ATAD3B: variants seen among roughly 807,000 people sequenced by gnomAD.
ATAD3B encodes ATPase family AAA domain containing 3B, also known as ATPase family AAA domain-containing protein 3B.
Under a neutral mutation model 70.2 loss-of-function variants are expected in ATAD3B, and 59 were observed. The observed-to-expected ratio is 0.84, with a 90% CI of 0.68 to 1.04. The LOEUF is 1.04. Among genes scored for constraint, ATAD3B ranks in the 50% least tolerant of loss-of-function variants. The pLI, the probability that ATAD3B is intolerant of heterozygous loss-of-function variation, is 0.00. For missense variants in ATAD3B, 961 were observed against 913.4 expected (o/e 1.05, Z -0.67); for synonymous variants, 423 against 388.6 (o/e 1.09, Z -1.04).
At chr1:1,473,055 C>T (rs960541235) in intron 1 of ATAD3B, among the ~76,000 whole-genome samples, 1 of 150,434 alleles carries the variant, frequency 6.6e-6, no homozygotes, top group Non-Finnish European at 1.5e-5. Context: ...CAACTCCTGA[C>T]CTCGTGATCC....
chr1:1,496,166 G>C lies in ATAD3B; in HGVS notation c.*349G>C, dbSNP rs1039789863. ...CGGTCCAAGCCTGTGGCTGGAGCTG[G>C]TGTGTGTTTATCTAATAAAGTCCCA... On this transcript the variant is annotated 3_prime_UTR_variant, in exon 16 of 16. Coordinates refer to ENST00000673477, the MANE Select transcript of ATAD3B (RefSeq NM_031921.6). The C allele has an allele frequency of 8.4e-6, 9 of 1,065,866 alleles. No homozygotes were observed. Among genetic ancestry groups the C allele is most frequent in the East Asian group, 6.6e-5 (1 of 15,148 alleles). The allele number at this position is 1,065,866 out of a possible 1,614,324, so 66.0% of individuals were successfully genotyped here. A position where few individuals can be genotyped will look rare whatever the true frequency, so the allele number is the denominator to read the frequency against.
the ATAD3B span, chr1:1,509,089 C>T: frequency 6.7e-4 from 973 of 1,453,942 alleles, no homozygotes; most frequent in Non-Finnish European, 4.9e-4. Flanking sequence ...CTGTGTTTCA[C>T]GCTCAGGCCA....
chr1:1,489,229 C>A lies in ATAD3B; in HGVS notation c.1292C>A (p.Ala431Asp). 1 of 1,613,614 alleles carries A rather than the reference C, an allele frequency of 6.2e-7. No individual in the cohort carries two copies. The highest frequency in any genetic ancestry group is 8.5e-7 in the Non-Finnish European group (1 of 1,179,660). ...ATEEISKDLR[A>D]TLNAFLYHMG... ...GAGGAGATAAGCAAGGACCTCAGAG[C>A]CACACTGAACGCCTTCCTGTACCAC... Residue 431 changes from alanine (A) to aspartate (D), a missense_variant, in exon 13 of 16, where the codon GCC becomes GAC. By Grantham distance (126) the Ala-to-Asp change is moderately radical. Coordinates refer to ENST00000673477, the MANE Select transcript of ATAD3B (RefSeq NM_031921.6).
the ATAD3B span, chr1:1,509,363 G>A: frequency 2.2e-5 from 35 of 1,608,694 alleles, 2 homozygotes; most frequent in South Asian, 3.9e-4. Flanking sequence ...TCCATGGGGA[G>A]ACCACACCTC....
chr1:1,502,739 T>G (rs190869577), downstream of ATAD3B, among the ~76,000 whole-genome samples: 3 of 134,172 alleles, frequency 2.2e-5, no homozygotes, highest in African/African-American at 8.4e-5. Flanking sequence ...CGCGAACTCC[T>G]GAGCTCAGGC....
downstream of ATAD3B, among the ~76,000 whole-genome samples, chr1:1,502,423 C>T (rs537898369): frequency 6.7e-6 from 1 of 150,234 alleles, no homozygotes; most frequent in African/African-American, 2.5e-5. Context: ...ACCATGTTAG[C>T]CAGGATGATC....
At chr1:1,477,178 T>G in intron 1 of ATAD3B, 96 bp from the exon 2 acceptor site, 1 of 1,487,984 alleles carries the variant, frequency 6.7e-7, no homozygotes, top group African/African-American at 1.4e-5. Flanking sequence ...CCCACTAGGT[T>G]TTTGTATTTT....
At position 1,471,808 on chromosome 1, in the gene ATAD3B, G is replaced by C; in HGVS notation, c.-77G>C. On this transcript the variant is annotated 5_prime_UTR_variant, in exon 1 of 16. Coordinates refer to ENST00000673477, the MANE Select transcript of ATAD3B (RefSeq NM_031921.6). ...TCCTGGCCACCGGCTCGCGGCGCGTGGAGGCTGCTCCCAGCCGCGCCCGAG... is the reference window on the plus strand; with the variant it reads ...TCCTGGCCACCGGCTCGCGGCGCGTCGAGGCTGCTCCCAGCCGCGCCCGAG... 8.1e-7 allele frequency: 1 copy of C among 1,228,286 alleles called. No individual in the cohort carries two copies. Among genetic ancestry groups the C allele is most frequent in the Non-Finnish European group, 1.0e-6 (1 of 983,610 alleles). The allele number at this position is 1,228,286 out of a possible 1,614,324, so 76.1% of individuals were successfully genotyped here. A position where few individuals can be genotyped will look rare whatever the true frequency, so the allele number is the denominator to read the frequency against.
chr1:1,476,571 C>T (rs921535065), intron 1 of ATAD3B, among the ~76,000 whole-genome samples: 3 of 151,566 alleles, frequency 2.0e-5, no homozygotes, highest in East Asian at 3.9e-4. Context: ...TGCATTGCTT[C>T]GATCTCTGCT....
chr1:1,504,608 T>A, the ATAD3B span, among the ~76,000 whole-genome samples: 5 of 151,354 alleles, frequency 3.3e-5, no homozygotes, highest in African/African-American at 1.2e-4. Context: ...CGAGACCACG[T>A]CATTGCACTG....
At chr1:1,509,345 A>C in the ATAD3B span, 4 of 1,611,096 alleles carry the variant, frequency 2.5e-6, no homozygotes, top group Admixed American at 1.7e-5. Context: ...AGCAACCCTC[A>C]TCCTGAGTCC....
the ATAD3B span, among the ~76,000 whole-genome samples, chr1:1,503,882 C>G: frequency 6.6e-6 from 1 of 151,856 alleles, no homozygotes; most frequent in African/African-American, 2.4e-5. Flanking sequence ...TTGGTGAGGG[C>G]GTCTGGTTGT....
chr1:1,498,722 A>C (rs1468226162), downstream of ATAD3B, among the ~76,000 whole-genome samples: 1 of 150,006 alleles, frequency 6.7e-6, no homozygotes, highest in Admixed American at 6.6e-5. Context: ...TGTTTTTTTC[A>C]GACGGAGTCT....
rs373862133 is a variant in ATAD3B at position 1,485,755 on chromosome 1, A to G, written c.907-27A>G. On this transcript the variant is annotated intron_variant, in intron 8 of 15. Transcript: ENST00000673477. The stretch of plus-strand genomic sequence containing the variant: ...TTCCGTGGCTGTGGCAGGTGACCCA[A>G]TGGTGCTTCCCCTTCCCCTCCGGCA... 1.6e-4 allele frequency: 254 copies of G among 1,612,052 alleles called. 1 individual carries two copies. In the African/African-American group the frequency reaches 2.5e-3, roughly 16 times the overall value.
chr1:1,485,301 C>T (rs1640146415), intron 8 of ATAD3B, 130 bp downstream of exon 8: 1 of 1,447,088 alleles, frequency 6.9e-7, no homozygotes, highest in Non-Finnish European at 9.2e-7. Flanking sequence ...CACGCTGCTT[C>T]ACGGGTGGGT....
At chr1:1,499,489 C>T (rs921860142), downstream of ATAD3B, among the ~76,000 whole-genome samples, 2 of 151,936 alleles carry the variant, frequency 1.3e-5, no homozygotes, top group Admixed American at 1.3e-4. Context: ...CACTCGGCCT[C>T]CCAAAGTGCT....
At chr1:1,485,727 C>T (rs1640172279) in intron 8 of ATAD3B, 55 bp from the exon 9 acceptor site, 6 of 1,608,432 alleles carry the variant, frequency 3.7e-6, no homozygotes, top group Non-Finnish European at 4.2e-6. Context: ...GCGTTGGTGG[C>T]TGTTCCGTGG....
At chr1:1,509,201 C>A in the ATAD3B span, 5 of 1,612,660 alleles carry the variant, frequency 3.1e-6, no homozygotes, top group Non-Finnish European at 4.2e-6. Context: ...TCTCTCCCCA[C>A]TAGGCCACGG....
rs374282535 is a variant in ATAD3B at position 1,482,596 on chromosome 1, G to C, written c.732G>C (p.Arg244=). The C allele has an allele frequency of 9.1e-5, 146 of 1,613,226 alleles. 2 individuals carry two copies. Among genetic ancestry groups the C allele is most frequent in the Non-Finnish European group, 1.2e-4 (144 of 1,179,560 alleles). ...GATTCCGTGCCTTTGTGACAGACCG[G>C]GACAAAGTGACAGCCACGGTAAACA... ...GEGFRAFVTD[R]DKVTATVAGL... is the part of the protein sequence containing the mutation. The change falls in exon 7 of 16, where the codon CGG becomes CGC. Residue 244 remains arginine, a synonymous_variant. Coordinates refer to ENST00000673477, the MANE Select transcript of ATAD3B (RefSeq NM_031921.6).
Sources: allele counts gnomAD v4.1 joint callset (sites outside exome capture counted in the v4.1 genomes callset), GRCh38; gene constraint gnomAD v4.1.1; transcripts MANE v1.5; gene names NCBI Gene and HGNC (gene_info 2026-07-23, HGNC 2026-07-21).